Variants in VEPH1 observed in about 807,000 individuals in gnomAD.
The protein encoded by VEPH1 is ventricular zone expressed PH domain containing 1.
In VEPH1, 80 loss-of-function variants were observed where a neutral mutation model predicts 85.2. The ratio of observed to expected loss-of-function variants is 0.94; its 90% CI spans 0.78 to 1.13. The LOEUF is 1.13. VEPH1 is among the 50% of genes most tolerant of loss of function. The probability of loss-of-function intolerance (pLI) is 0.00; values close to 1 mark genes in which losing one functional copy is unlikely to be tolerated. For missense variants in VEPH1, 955 were observed against 980.5 expected (o/e 0.97, Z 0.35); for synonymous variants, 297 against 348.0 (o/e 0.85, Z 1.63).
chr3:157,272,240 T>TCTTCCTTCCTTCCTTCCTTCCTTC, intron 12 of VEPH1, among the ~76,000 whole-genome samples: 1 of 137,318 alleles, frequency 7.3e-6, no homozygotes, highest in East Asian at 2.1e-4. Context: ...TCTCTTTTCT[T>TCTTCCTTCCTTCCTTCCTTCCTTC]CTTCCTTCCT....
intron 11 of VEPH1, 24 bp downstream of exon 11, chr3:157,313,597 A>G (rs2108514229): frequency 1.9e-6 from 3 of 1,610,876 alleles, no homozygotes; most frequent in African/African-American, 1.3e-5. Flanking sequence ...GGCCTGTAAC[A>G]TGGCCAAGGA....
chr3:157,450,922 G>T (rs912863943), intron 4 of VEPH1, among the ~76,000 whole-genome samples: 2 of 152,118 alleles, frequency 1.3e-5, no homozygotes, highest in African/African-American at 4.8e-5. Flanking sequence ...TAAGCACTCA[G>T]CAAATGTTAA....
intron 9 of VEPH1, among the ~76,000 whole-genome samples, chr3:157,327,971 G>A (rs2108586217): frequency 6.6e-6 from 1 of 152,270 alleles, no homozygotes; most frequent in African/African-American, 2.4e-5. Flanking sequence ...TCTCCAAGGT[G>A]GTGGTTAGGA....
Position 157,369,298 on chromosome 3 carries a change from A to T in VEPH1, c.1128-4786T>A, listed in dbSNP as rs1451599689. Among the ~76,000 whole-genome samples, 5 of 151,238 alleles carry T rather than the reference A, an allele frequency of 3.3e-5. No homozygotes were observed. The Admixed American group carries it at 3.3e-4, about 10-fold the overall frequency. ...GGCACAGTGCTATTTGGTAAACATG[A>T]AATGTGGAGAGAAGCAGGGAGCAAG... On this transcript the variant is annotated intron_variant, in intron 7 of 13. Coordinates refer to ENST00000362010, the MANE Select transcript of VEPH1 (RefSeq NM_001167912.2).
rs767998167 is a variant in VEPH1 at position 157,381,232 on chromosome 3, G to A, written c.1051C>T (p.Arg351Cys). ...ILGPQSRDIFRMSNSFTAIAK... is the reference protein window; with the variant it reads ...ILGPQSRDIFCMSNSFTAIAK... The stretch of plus-strand genomic sequence containing the variant: ...ATGGCGGTGAAGCTGTTGCTCATGC[G>A]GAAGATGTCTCTGCTCTGAGGGCCC... The change falls in exon 7 of 14, where the codon CGC (arginine) becomes TGC (cysteine). Residue 351 changes from arginine to cysteine, a missense_variant. Physicochemically the swap from Arg to Cys is radical, Grantham distance 180 (BLOSUM62 -3). Transcript: ENST00000362010. 19 of 1,613,916 alleles carry A rather than the reference G, an allele frequency of 1.2e-5. No individual in the cohort carries two copies. The East Asian group carries it at 2.2e-4, about 19-fold the overall frequency.
Position 157,499,545 on chromosome 3 carries a change from G to A in VEPH1, c.-158+3732C>T, listed in dbSNP as rs559722548. ...TTGTTCATTGCGGAGCCGGTGCCGG[G>A]TGGAAGAATTCAAGGAATGCAGCCT... On this transcript the variant is annotated intron_variant, in intron 1 of 13. Coordinates refer to ENST00000362010, the MANE Select transcript of VEPH1 (RefSeq NM_001167912.2). 5.1e-4 allele frequency: 78 copies of A among 152,226 alleles called. 1 individual carries two copies. Among genetic ancestry groups the A allele is most frequent in the African/African-American group, 1.8e-3 (76 of 41,528 alleles). The allele number at this position is 152,226 out of a possible 1,614,324, so 9.4% of individuals were successfully genotyped here. A position where few individuals can be genotyped will look rare whatever the true frequency, so the allele number is the denominator to read the frequency against.
intron 5 of VEPH1, among the ~76,000 whole-genome samples, chr3:157,421,913 G>A (rs1368433906): frequency 6.6e-6 from 1 of 152,008 alleles, no homozygotes; most frequent in African/African-American, 2.4e-5. Context: ...TGGCCTCTTT[G>A]TTCTGGGATC....
Position 157,392,457 on chromosome 3 carries a change from G to A in VEPH1, c.907-11081C>T, listed in dbSNP as rs181913182. Among the ~76,000 whole-genome samples the A allele has an allele frequency of 1.2e-3, 180 of 152,208 alleles. 1 individual carries two copies. The highest frequency in any genetic ancestry group is 3.8e-3 in the African/African-American group (156 of 41,530). On this transcript the variant is annotated intron_variant, in intron 6 of 13. Transcript: ENST00000362010. ...TCCCACCGGGTCCCTCCCACCACAT[G>A]TGGGAATTCAATATAAGATTTCAGC... is the stretch of plus-strand genomic sequence containing the variant.
At chr3:157,467,624 A>C (rs990487616) in intron 3 of VEPH1, among the ~76,000 whole-genome samples, 1 of 152,240 alleles carries the variant, frequency 6.6e-6, no homozygotes, top group African/African-American at 2.4e-5. Context: ...GGCCAGGACA[A>C]GATGCTGAAC....
At chr3:157,335,344 C>T (rs1302599165) in intron 9 of VEPH1, among the ~76,000 whole-genome samples, 1 of 152,000 alleles carries the variant, frequency 6.6e-6, no homozygotes, top group East Asian at 1.9e-4. Context: ...CTTCAGTGAG[C>T]CGTGTTTGCA....
At chr3:157,392,576 G>A (rs1729962924) in intron 6 of VEPH1, among the ~76,000 whole-genome samples, 1 of 151,852 alleles carries the variant, frequency 6.6e-6, no homozygotes, top group South Asian at 2.1e-4. Context: ...AATTGTCTTG[G>A]GCCACACACA....
intron 12 of VEPH1, among the ~76,000 whole-genome samples, chr3:157,271,046 G>T (rs1406547863): frequency 6.6e-6 from 1 of 152,120 alleles, no homozygotes; most frequent in African/African-American, 2.4e-5. Context: ...ACACACAAAA[G>T]AACCTGAAGA....
intron 7 of VEPH1, among the ~76,000 whole-genome samples, chr3:157,371,226 A>G (rs1727454080): frequency 1.3e-5 from 2 of 152,246 alleles, no homozygotes; most frequent in Admixed American, 1.3e-4. Context: ...CTACTCCATG[A>G]GCATACAAGA....
intron 4 of VEPH1, among the ~76,000 whole-genome samples, chr3:157,458,878 T>TC (rs1373883365): frequency 6.6e-6 from 1 of 152,136 alleles, no homozygotes; most frequent in African/African-American, 2.4e-5. Context: ...GAATAGGGAG[T>TC]CCTTCCCCCA....
At chr3:157,265,775 T>C (rs375052280) in intron 12 of VEPH1, 113 bp from the exon 13 acceptor site, 8 of 1,091,946 alleles carry the variant, frequency 7.3e-6, no homozygotes, top group Non-Finnish European at 1.0e-5. Context: ...ACCTGGAAAG[T>C]AGGCTAATAA....
intron 6 of VEPH1, among the ~76,000 whole-genome samples, chr3:157,398,758 T>G (rs1648102259): frequency 6.6e-6 from 1 of 152,082 alleles, no homozygotes. Flanking sequence ...GCATCCCTAT[T>G]TGCCACTGAT....
At chr3:157,417,651 C>T (rs899259979) in intron 5 of VEPH1, among the ~76,000 whole-genome samples, 18 of 152,310 alleles carry the variant, frequency 1.2e-4, no homozygotes, top group African/African-American at 2.6e-4. Context: ...TGATCACTCA[C>T]AGTGGCTTGA....
In VEPH1 at chr3:157,442,374, A is replaced by G. The variant is rs763959558; in HGVS notation, c.530-13886T>C. 7 of 1,606,058 alleles carry G rather than the reference A, an allele frequency of 4.4e-6. No individual in the cohort carries two copies. In the South Asian group the frequency reaches 7.7e-5, roughly 18 times the overall value. ...TTTTCTTGCTACTCTAGGTTGTGAA[A>G]CAGCTATTTTATTCCCAATGCGTTC... On this transcript the variant is annotated intron_variant, in intron 4 of 13. Transcript: ENST00000362010.
chr3:157,325,553 C>T (rs115779488), intron 9 of VEPH1, among the ~76,000 whole-genome samples: 37,107 of 152,034 alleles, frequency 0.24, 4,962 homozygotes, highest in South Asian at 0.34. Context: ...CAATTTTCGT[C>T]ATATGGCCAG....
Sources: allele counts gnomAD v4.1 joint callset (sites outside exome capture counted in the v4.1 genomes callset), GRCh38; gene constraint gnomAD v4.1.1; transcripts MANE v1.5; gene names NCBI Gene and HGNC (gene_info 2026-07-23, HGNC 2026-07-21).